The following DIP2A variants were observed in gnomAD, a reference collection of about 807,000 sequenced individuals.
DIP2A encodes the protein disco-interacting protein 2 homolog A.
DIP2A carries 85 observed loss-of-function variants against 177.4 expected under a neutral mutation model. That is an observed-to-expected ratio of 0.48 (90% CI 0.40 to 0.57). The LOEUF is 0.57. DIP2A is among the 20% of genes least tolerant of loss of function. The probability of loss-of-function intolerance (pLI) is 0.00; values close to 1 mark genes in which losing one functional copy is unlikely to be tolerated. For missense variants in DIP2A, 1,791 were observed against 2,100.2 expected (o/e 0.85, Z 2.88); for synonymous variants, 886 against 881.8 (o/e 1.00, Z -0.08).
chr21:46,502,437 A>ATTTTT (rs36011338), intron 5 of DIP2A, among the ~76,000 whole-genome samples: 1 of 44,834 alleles, frequency 2.2e-5, no homozygotes, highest in African/African-American at 1.0e-4. Flanking sequence ...GCTAGTGTTG[A>ATTTTT]TTTTTTTTTT....
intron 20 of DIP2A, 129 bp downstream of exon 20, chr21:46,546,090 G>C (rs1266301546): frequency 1.3e-6 from 2 of 1,525,384 alleles, no homozygotes; most frequent in Non-Finnish European, 1.8e-6. Flanking sequence ...GGTCGGTGGC[G>C]CTGACCTCCC....
At chr21:46,530,848 A>G (rs1291194824) in intron 9 of DIP2A, among the ~76,000 whole-genome samples, 1 of 152,178 alleles carries the variant, frequency 6.6e-6, no homozygotes, top group Non-Finnish European at 1.5e-5. Flanking sequence ...AGGATTGGCA[A>G]TGACAGTGGC....
intron 8 of DIP2A, among the ~76,000 whole-genome samples, chr21:46,518,119 G>A (rs1028786227): frequency 3.9e-5 from 6 of 152,198 alleles, no homozygotes; most frequent in Non-Finnish European, 8.8e-5. Context: ...TTCTGTTGAG[G>A]AATGAATATA....
intron 3 of DIP2A, among the ~76,000 whole-genome samples, chr21:46,491,787 C>A (rs972354440): frequency 6.6e-6 from 1 of 152,186 alleles, no homozygotes; most frequent in African/African-American, 2.4e-5. Context: ...TTCTCCCCAA[C>A]CCTGTTCCCT....
chr21:46,553,635 A>G (rs1055480362), intron 25 of DIP2A: 4 of 153,382 alleles, frequency 2.6e-5, no homozygotes, highest in African/African-American at 9.6e-5. Flanking sequence ...ACCTGTGGGC[A>G]TGGAAAGTAG....
At chr21:46,542,028 A>G in intron 18 of DIP2A, 133 bp downstream of exon 18, 1 of 1,024,174 alleles carries the variant, frequency 9.8e-7, no homozygotes, top group Non-Finnish European at 1.4e-6. Flanking sequence ...GGCTCACTGC[A>G]TCCTCCGCCT....
chr21:46,555,876 C>A (rs1429499425), intron 28 of DIP2A, 106 bp from the exon 29 acceptor site: 7 of 849,284 alleles, frequency 8.2e-6, no homozygotes, highest in Non-Finnish European at 1.4e-5. Flanking sequence ...TCACTCTCTG[C>A]AGGACTCCCA....
chr21:46,521,466 G>A (rs2058821426), intron 8 of DIP2A, among the ~76,000 whole-genome samples: 1 of 152,072 alleles, frequency 6.6e-6, no homozygotes, highest in Non-Finnish European at 1.5e-5. Context: ...TGGGATTACA[G>A]GCATGAGCCA....
the DIP2A span, among the ~76,000 whole-genome samples, chr21:46,576,279 G>A: frequency 6.6e-6 from 1 of 152,004 alleles, no homozygotes; most frequent in East Asian, 1.9e-4. Flanking sequence ...CCCTCCCCCA[G>A]TGTCCCCCCA....
rs2060869229 is a variant in DIP2A at position 46,567,451 on chromosome 21, C to T, written c.4545C>T (p.Ala1515=). 3.1e-6 allele frequency: 5 copies of T among 1,613,870 alleles called. No individual in the cohort carries two copies. The highest frequency in any genetic ancestry group is 4.2e-6 in the Non-Finnish European group (5 of 1,179,876). Residue 1515 remains alanine, a synonymous_variant, in exon 38 of 38, where the codon GCC becomes GCT. Coordinates refer to ENST00000417564, the MANE Select transcript of DIP2A (RefSeq NM_015151.4). The part of the protein sequence containing the change: ...GLEQDALDLV[A]LVTNVVLEEH... ...AGCAGGATGCCCTGGACCTGGTGGC[C>T]CTGGTGACCAACGTGGTGCTGGAGG...
At chr21:46,481,956 CA>C (rs1412281746) in intron 1 of DIP2A, among the ~76,000 whole-genome samples, 4 of 152,124 alleles carry the variant, frequency 2.6e-5, no homozygotes, top group African/African-American at 9.7e-5. Flanking sequence ...GAGGCTGAGG[CA>C]GGAGAATCAC....
chr21:46,516,489 T>G (rs78283293), intron 8 of DIP2A, among the ~76,000 whole-genome samples: 3 of 96,164 alleles, frequency 3.1e-5, no homozygotes, highest in African/African-American at 7.1e-5. Context: ...CTGAAATTTC[T>G]TTTTTTTTTT....
rs112948552 is a variant in DIP2A, at chr21:46,544,763, G to A, written c.2177-374G>A. On this transcript the variant is annotated intron_variant, in intron 18 of 37. Coordinates refer to ENST00000417564, the MANE Select transcript of DIP2A (RefSeq NM_015151.4). ...GAGCAGGAGATGGTGTCCCGGGCTC[G>A]TGTGTGGTGGTGATGGTCAGGAGCC... Among the ~76,000 whole-genome samples, 557 of 152,260 alleles carry A rather than the reference G, an allele frequency of 3.7e-3. 5 individuals carry two copies. The highest frequency in any genetic ancestry group is 8.1e-3 in the African/African-American group (335 of 41,544).
chr21:46,541,828 C>T lies in DIP2A; in HGVS notation c.2109C>T (p.Ile703=), dbSNP rs1380544255. 1 of 1,613,988 alleles carries T rather than the reference C, an allele frequency of 6.2e-7. No homozygotes were observed. The highest frequency in any genetic ancestry group is 8.5e-7 in the Non-Finnish European group (1 of 1,179,876). The stretch of plus-strand genomic sequence containing the variant: ...TGAACGGTCTAAGTTATGGTGTTAT[C>T]AGAGTGGATACTGAAGAAAAGTTGT... ...LSMNGLSYGV[I]RVDTEEKLSV... The change falls in exon 18 of 38, where the codon ATC becomes ATT. Residue 703 remains isoleucine (I), a synonymous_variant. Transcript: ENST00000417564.
At chr21:46,534,139 A>G (rs1343434560) in intron 12 of DIP2A, 26 bp downstream of exon 12, 1 of 1,528,700 alleles carries the variant, frequency 6.5e-7, no homozygotes. Context: ...AACTTAGAGA[A>G]TGTAAAAACA....
chr21:46,548,100 A>G lies in DIP2A; in HGVS notation c.2522+1058A>G, dbSNP rs145114502. On this transcript the variant is annotated intron_variant, in intron 21 of 37. Transcript: ENST00000417564. ...TGTCATCATGGTTAGTCTTGAGGAA[A>G]AAGCCCAGAGGATGGACAACAGAGA... is the stretch of plus-strand genomic sequence containing the variant. 1.9e-3 allele frequency among the ~76,000 whole-genome samples: 292 copies of G among 152,296 alleles called. 1 individual carries two copies. Among genetic ancestry groups the G allele is most frequent in the African/African-American group, 6.7e-3 (279 of 41,564 alleles).
chr21:46,538,489 C>T lies in DIP2A; in HGVS notation c.1808C>T (p.Ala603Val), dbSNP rs2059665497. Residue 603 changes from alanine (A) to valine (V), a missense_variant, in exon 16 of 38, where the codon GCC (alanine) becomes GTC (valine). Ala to Val is a moderately conservative substitution (Grantham distance 64). Coordinates refer to ENST00000417564, the MANE Select transcript of DIP2A (RefSeq NM_015151.4). ...IQKVCFYKAR[A>V]ALVKSRDMHW... ...TGCCATCCTCTCTCTGCAGCTCGGGCCGCGCTGGTGAAGTCGCGAGACATG... is the reference window on the plus strand; with the variant it reads ...TGCCATCCTCTCTCTGCAGCTCGGGTCGCGCTGGTGAAGTCGCGAGACATG... 1.9e-6 allele frequency: 3 copies of T among 1,545,134 alleles called. No individual in the cohort carries two copies. The highest frequency in any genetic ancestry group is 1.7e-6 in the Non-Finnish European group (2 of 1,147,816).
At chr21:46,470,009 A>G (rs143817855) in intron 1 of DIP2A, among the ~76,000 whole-genome samples, 1 of 152,332 alleles carries the variant, frequency 6.6e-6, no homozygotes, top group African/African-American at 2.4e-5. Flanking sequence ...TTAATGTATT[A>G]TTTTGGCTGA....
Position 46,468,261 on chromosome 21 carries a change from C to CAAAAAAAA in DIP2A, c.91+9052_91+9059dup, listed in dbSNP as rs1207842729. On this transcript the variant is annotated intron_variant, in intron 1 of 37. Coordinates refer to ENST00000417564, the MANE Select transcript of DIP2A (RefSeq NM_015151.4). ...AGCCTGGGTGACAGTGAGACTGTCT[C>CAAAAAAAA]AAAAAAAAAAAAAAAAAAAAGCTGG... Among the ~76,000 whole-genome samples the CAAAAAAAA allele has an allele frequency of 1.4e-4, 12 of 87,848 alleles. 1 individual carries two copies. Among genetic ancestry groups the CAAAAAAAA allele is most frequent in the African/African-American group, 5.6e-4 (12 of 21,248 alleles). 57.6% of individuals were successfully genotyped at this position (87,848 alleles called of 152,430 possible).
Sources: gnomAD v4.1 joint callset for allele counts (sites outside exome capture counted in the v4.1 genomes callset) on GRCh38, gnomAD v4.1.1 for gene constraint, MANE v1.5 for transcripts, NCBI Gene and HGNC (gene_info 2026-07-23, HGNC 2026-07-21) for gene names.